CAMK2A: variants seen among roughly 807,000 people sequenced by gnomAD.
CAMK2A encodes calcium/calmodulin dependent protein kinase II alpha.
A neutral mutation model predicts 79.2 loss-of-function variants in CAMK2A; 7 were observed. That is an observed-to-expected ratio of 0.09 (90% confidence interval 0.05 to 0.17). The LOEUF (loss-of-function observed/expected upper bound fraction) is 0.17. Among genes scored for constraint, CAMK2A ranks in the 10% least tolerant of loss-of-function variants. The pLI, the probability that CAMK2A is intolerant of heterozygous loss-of-function variation, is 1.00. For missense variants in CAMK2A, 214 were observed against 646.4 expected (o/e 0.33, Z 7.25); for synonymous variants, 242 against 251.7 (o/e 0.96, Z 0.36).
chr5:150,287,085 C>T (rs937825226), intron 1 of CAMK2A, among the ~76,000 whole-genome samples: 2 of 152,206 alleles, frequency 1.3e-5, no homozygotes, highest in Non-Finnish European at 1.5e-5. Flanking sequence ...CCCCTCCCTG[C>T]ACCACTGGAT....
intron 16 of CAMK2A, among the ~76,000 whole-genome samples, chr5:150,230,305 G>A (rs541246102): frequency 1.2e-4 from 14 of 114,428 alleles, no homozygotes; most frequent in Non-Finnish European, 2.3e-4. Context: ...GTGACAGAGT[G>A]AGACTCCGTC....
chr5:150,240,191 C>T (rs1268647570), intron 13 of CAMK2A, among the ~76,000 whole-genome samples: 3 of 152,206 alleles, frequency 2.0e-5, no homozygotes, highest in Non-Finnish European at 4.4e-5. Context: ...AGGAGGACCT[C>T]ATTCCCAATT....
chr5:150,281,840 T>C (rs1430996416), intron 1 of CAMK2A, among the ~76,000 whole-genome samples: 1 of 152,244 alleles, frequency 6.6e-6, no homozygotes, highest in Admixed American at 6.5e-5. Flanking sequence ...AGGCCTCAGC[T>C]TACCCATCTG....
intron 16 of CAMK2A, among the ~76,000 whole-genome samples, chr5:150,228,903 A>C (rs1272087700): frequency 3.3e-5 from 5 of 152,226 alleles, no homozygotes; most frequent in Non-Finnish European, 7.3e-5. Flanking sequence ...TGGGAGGAGA[A>C]GCACAGGGCA....
intron 13 of CAMK2A, 127 bp downstream of exon 13, chr5:150,245,034 A>T: frequency 1.1e-6 from 1 of 897,288 alleles, no homozygotes; most frequent in Non-Finnish European, 1.7e-6. Flanking sequence ...CCTGGCCACA[A>T]ATGTGGCCCA....
Position 150,219,609 on chromosome 5 carries a change from G to A in CAMK2A, c.*3101C>T, listed in dbSNP as rs1754195934. 1 of 92,774 alleles carries A rather than the reference G, an allele frequency of 1.1e-5. No homozygotes were observed. The highest frequency in any genetic ancestry group is 2.0e-5 in the Non-Finnish European group (1 of 50,962). The allele number at this position is 92,774 out of a possible 1,614,324, so 5.7% of individuals were successfully genotyped here. A position where few individuals can be genotyped will look rare whatever the true frequency, so the allele number is the denominator to read the frequency against. On this transcript the variant is annotated 3_prime_UTR_variant, in exon 19 of 19. Coordinates refer to ENST00000671881, the MANE Select transcript of CAMK2A (RefSeq NM_015981.4). ...GAAAGTTTGAGCAGTGTTCATTCAA[G>A]TTCACAGCCACATATTTTTAAAAAA... is the stretch of plus-strand genomic sequence containing the variant.
intron 3 of CAMK2A, among the ~76,000 whole-genome samples, chr5:150,261,707 C>G (rs750615851): frequency 7.2e-5 from 11 of 152,154 alleles, no homozygotes; most frequent in Non-Finnish European, 1.3e-4. Context: ...GGACTGGGAA[C>G]AAGGGCTCTG....
At chr5:150,288,859 G>GGCTGGGCAAA (rs1182736978) in intron 1 of CAMK2A, among the ~76,000 whole-genome samples, 2 of 152,088 alleles carry the variant, frequency 1.3e-5, no homozygotes, top group Non-Finnish European at 2.9e-5. Context: ...ATGAGCTCTG[G>GGCTGGGCAAA]GCTGGGCAAC....
At chr5:150,259,248 C>T (rs746899895) in intron 3 of CAMK2A, among the ~76,000 whole-genome samples, 3 of 151,852 alleles carry the variant, frequency 2.0e-5, no homozygotes, top group South Asian at 2.1e-4. Flanking sequence ...AGGCCAGGTG[C>T]GGTGGCTCAC....
chr5:150,277,391 C>G (rs546085397), intron 1 of CAMK2A, among the ~76,000 whole-genome samples: 80 of 152,186 alleles, frequency 5.3e-4, no homozygotes, highest in Non-Finnish European at 1.0e-3. Context: ...TCCTGTCTCC[C>G]TTGGAAATCA....
intron 13 of CAMK2A, 147 bp from the exon 14 acceptor site, chr5:150,239,883 G>A (rs1316533929): frequency 4.3e-6 from 3 of 701,980 alleles, no homozygotes; most frequent in Non-Finnish European, 7.7e-6. Context: ...TCGGGACAAG[G>A]AGTCAAGGAG....
chr5:150,246,797 C>T (rs781285372), intron 12 of CAMK2A, among the ~76,000 whole-genome samples: 5 of 152,222 alleles, frequency 3.3e-5, no homozygotes, highest in Admixed American at 2.6e-4. Flanking sequence ...CAACTGGTTA[C>T]ATGGGCAGGT....
rs1754456806 is a variant in CAMK2A at position 150,223,598 on chromosome 5, G to A, written c.1238-381C>T. The stretch of plus-strand genomic sequence containing the variant: ...GGCAGGCACATAAACAACGGGGGCT[G>A]AGCTGGGTATAAGATGCTAAATGAC... On this transcript the variant is annotated intron_variant, in intron 17 of 18. Transcript: ENST00000671881. This position sits in a 1 kb window ranked among gnomAD's most constrained non-coding sequence, Gnocchi z 4.1. Among the ~76,000 whole-genome samples the A allele has an allele frequency of 6.6e-6, 1 of 152,190 alleles. No individual in the cohort carries two copies. Among genetic ancestry groups the A allele is most frequent in the South Asian group, 2.1e-4 (1 of 4,830 alleles).
chr5:150,288,040 A>G (rs780882095), intron 1 of CAMK2A, among the ~76,000 whole-genome samples: 6 of 150,816 alleles, frequency 4.0e-5, no homozygotes, highest in Non-Finnish European at 8.9e-5. Flanking sequence ...CACCAGCATG[A>G]GCTCACACAT....
In CAMK2A at chr5:150,222,008, T is replaced by G. The variant is rs1754334152; in HGVS notation, c.*702A>C. On this transcript the variant is annotated 3_prime_UTR_variant, in exon 19 of 19. Coordinates refer to ENST00000671881, the MANE Select transcript of CAMK2A (RefSeq NM_015981.4). ...TTCCCTCTCTGAGATACGACAAAGC[T>G]GGAATTCTCCAGGGATGACGGGGGT... 5.2e-6 allele frequency: 1 copy of G among 190,806 alleles called. No homozygotes were observed. The highest frequency in any genetic ancestry group is 1.1e-5 in the Non-Finnish European group (1 of 91,734). The allele number at this position is 190,806 out of a possible 1,614,324, so 11.8% of individuals were successfully genotyped here. A position where few individuals can be genotyped will look rare whatever the true frequency, so the allele number is the denominator to read the frequency against.
intron 9 of CAMK2A, 36 bp from the exon 10 acceptor site, chr5:150,250,846 G>A: frequency 1.2e-6 from 2 of 1,606,010 alleles, no homozygotes; most frequent in Non-Finnish European, 1.7e-6. Flanking sequence ...TGCCCAGCCT[G>A]CCCCAGGCCA....
At chr5:150,235,104 T>C (rs79207923) in intron 15 of CAMK2A, among the ~76,000 whole-genome samples, 4,386 of 152,220 alleles carry the variant, frequency 0.029, 206 homozygotes, top group African/African-American at 0.1. Context: ...ATGTCTGGGG[T>C]AGCACTCTCT....
chr5:150,256,062 GT>G lies in CAMK2A; in HGVS notation c.411+510del, dbSNP rs1756044336. 6.6e-6 allele frequency among the ~76,000 whole-genome samples: 1 copy of G among 152,190 alleles called. No homozygotes were observed. The highest frequency in any genetic ancestry group is 1.5e-5 in the Non-Finnish European group (1 of 68,032). On this transcript the variant is annotated intron_variant, in intron 6 of 18. Coordinates refer to ENST00000671881, the MANE Select transcript of CAMK2A (RefSeq NM_015981.4). This position sits in a 1 kb window ranked among gnomAD's most constrained non-coding sequence, Gnocchi z 4.6. The stretch of plus-strand genomic sequence containing the variant: ...GAGAACTGCACGGGCCTAGAGTCTG[GT>G]TTTTCTTCTCCCCTGGCCTGCCAGA...
rs1319795952 is a variant in CAMK2A, at chr5:150,287,976, T to TGC, written c.62+1586_62+1587dup. The stretch of plus-strand genomic sequence containing the variant: ...GTGTGTGTGTGTGTGTGTGTGTGTG[T>TGC]GCAAGCAGCCTTCCTGTATACAGTC... On this transcript the variant is annotated intron_variant, in intron 1 of 18. Coordinates refer to ENST00000671881, the MANE Select transcript of CAMK2A (RefSeq NM_015981.4). 6.5e-4 allele frequency among the ~76,000 whole-genome samples: 96 copies of TGC among 148,596 alleles called. 1 individual carries two copies. In the Middle Eastern group the frequency reaches 0.014, roughly 22 times the overall value.
Sources: allele counts gnomAD v4.1 joint callset (sites outside exome capture counted in the v4.1 genomes callset), GRCh38; gene constraint gnomAD v4.1.1; non-coding constraint Gnocchi (gnomAD v3.1); transcripts MANE v1.5; gene names NCBI Gene and HGNC (gene_info 2026-07-23, HGNC 2026-07-21).